Variants in CDH22 observed in about 807,000 individuals in gnomAD.
The protein encoded by CDH22 is cadherin-22.
In CDH22, 30 loss-of-function variants were observed where a neutral mutation model predicts 58.4. The ratio of observed to expected loss-of-function variants is 0.51; its 90% CI spans 0.38 to 0.70. CDH22 has a LOEUF of 0.70. CDH22 is among the 30% of genes least tolerant of loss of function. The pLI, the probability that CDH22 is intolerant of heterozygous loss-of-function variation, is 0.00. For missense variants in CDH22, 1,014 were observed against 1,233.9 expected, an observed-to-expected ratio of 0.82 and a Z score of 2.67; for synonymous variants, 513 against 558.2, an observed-to-expected ratio of 0.92 and a Z score of 1.14.
chr20:46,176,821 C>T (rs748950122), intron 11 of CDH22, among the ~76,000 whole-genome samples: 4 of 152,198 alleles, frequency 2.6e-5, no homozygotes, highest in East Asian at 1.9e-4. Flanking sequence ...GGGATGCCCG[C>T]GGGAGCAGAT....
intron 7 of CDH22, among the ~76,000 whole-genome samples, chr20:46,205,814 G>A (rs1357948209): frequency 1.3e-5 from 2 of 152,068 alleles, no homozygotes; most frequent in African/African-American, 4.8e-5. Context: ...GTCCCTTGTC[G>A]TGAGCTTGTC....
intron 8 of CDH22, among the ~76,000 whole-genome samples, chr20:46,190,311 C>A (rs1377958763): frequency 6.6e-6 from 1 of 152,180 alleles, no homozygotes; most frequent in East Asian, 1.9e-4. Context: ...GCAGGAGTTT[C>A]CCCACAGCCC....
At chr20:46,212,755 T>C (rs1291342892) in intron 6 of CDH22, among the ~76,000 whole-genome samples, 1 of 152,216 alleles carries the variant, frequency 6.6e-6, no homozygotes, top group Non-Finnish European at 1.5e-5. Context: ...GATTCCCATC[T>C]GGATTGAACC....
intron 8 of CDH22, among the ~76,000 whole-genome samples, chr20:46,192,579 G>A (rs988640331): frequency 6.6e-6 from 1 of 151,880 alleles, no homozygotes; most frequent in African/African-American, 2.4e-5. Context: ...GGGGGGTGGA[G>A]TGGGAGGGGG....
At chr20:46,214,815 T>C (rs1205894477) in intron 5 of CDH22, among the ~76,000 whole-genome samples, 1 of 152,258 alleles carries the variant, frequency 6.6e-6, no homozygotes, top group Non-Finnish European at 1.5e-5. Flanking sequence ...TTGTTAGAAT[T>C]ACTGCGTTTT....
chr20:46,253,485 C>T (rs893764997), intron 1 of CDH22, among the ~76,000 whole-genome samples: 1 of 152,082 alleles, frequency 6.6e-6, no homozygotes, highest in African/African-American at 2.4e-5. Flanking sequence ...CTCATGGGGT[C>T]AGGAGGACCC....
At position 46,210,090 on chromosome 20, in the gene CDH22, CTG is replaced by C; in HGVS notation, c.1286+215_1286+216del. 2.2e-6 allele frequency: 1 copy of C among 450,270 alleles called. No homozygotes were observed. The highest frequency in any genetic ancestry group is 3.9e-6 in the Non-Finnish European group (1 of 258,878). The allele number at this position is 450,270 out of a possible 1,614,324, so 27.9% of individuals were successfully genotyped here. A position where few individuals can be genotyped will look rare whatever the true frequency, so the allele number is the denominator to read the frequency against. Reference sequence around the variant, plus strand: ...TCCCTTATTGGCCTGGCTCGCCTGCCTGTCTCATTGACTGTTCTCACATCTGC... The same window carrying C: ...TCCCTTATTGGCCTGGCTCGCCTGCCTCTCATTGACTGTTCTCACATCTGC... On this transcript the variant is annotated intron_variant, in intron 7 of 11. Coordinates refer to ENST00000537909, the MANE Select transcript of CDH22 (RefSeq NM_021248.3). This position sits in a 1 kb window ranked among gnomAD's most constrained non-coding sequence, Gnocchi z 4.5.
chr20:46,192,647 G>A lies in CDH22; in HGVS notation c.1424-5700C>T, dbSNP rs187545669. Among the ~76,000 whole-genome samples the A allele has an allele frequency of 3.3e-5, 5 of 152,144 alleles. No homozygotes were observed. In the East Asian group the frequency reaches 7.7e-4, roughly 24 times the overall value. ...AAGTGCCTTCCCTCTCACTTGCAGT[G>A]GCAGGGATAGAGCAGAGCTTGGACC... On this transcript the variant is annotated intron_variant, in intron 8 of 11. Coordinates refer to ENST00000537909, the MANE Select transcript of CDH22 (RefSeq NM_021248.3).
chr20:46,266,295 C>T (rs538046416), intron 1 of CDH22, among the ~76,000 whole-genome samples: 6 of 152,274 alleles, frequency 3.9e-5, no homozygotes, highest in South Asian at 4.1e-4. Context: ...TATGGCTGTC[C>T]GTAGGATGCA....
intron 11 of CDH22, among the ~76,000 whole-genome samples, chr20:46,175,746 G>A (rs1033610261): frequency 6.6e-6 from 1 of 152,152 alleles, no homozygotes; most frequent in Non-Finnish European, 1.5e-5. Flanking sequence ...TTGGATCCTG[G>A]CACGGATCTT....
chr20:46,307,936 C>A lies in CDH22; in HGVS notation c.-400+319G>T, dbSNP rs78950916. 2.3e-3 allele frequency among the ~76,000 whole-genome samples: 347 copies of A among 151,862 alleles called. 5 individuals carry two copies. In the East Asian group the frequency reaches 0.03, roughly 13 times the overall value. On this transcript the variant is annotated intron_variant, in intron 1 of 11. Coordinates refer to ENST00000537909, the MANE Select transcript of CDH22 (RefSeq NM_021248.3). ...CCTGGCGCTGCCACCCCTCGGCCCG[C>A]GGGGGTCCCGGAGGCTCCCGGGCGC...
chr20:46,174,589 G>T lies in CDH22; in HGVS notation c.2404C>A (p.Leu802Ile). ...CGGAAGCGCGGACCCCAGCTGCTGA[G>T]ATAGGCGAAGTCCTGCTCGGAGCCC... ...SSGSEQDFAYLSSWGPRFRPL... is the reference protein window; with the variant it reads ...SSGSEQDFAYISSWGPRFRPL... The change falls in exon 12 of 12, where the codon CTC becomes ATC. Residue 802 changes from leucine (L) to isoleucine (I), a missense_variant. Physicochemically the swap from Leu to Ile is conservative, Grantham distance 5. This residue lies in a region of CDH22 where 208 missense variants were observed against 195.2 expected (regional missense o/e 1.07). Transcript: ENST00000537909. The surrounding 1 kb of genome is among the most constrained non-coding windows in gnomAD (Gnocchi z 4.4). The T allele has an allele frequency of 6.5e-7, 1 of 1,533,954 alleles. No individual in the cohort carries two copies.
chr20:46,229,883 G>A (rs1215212443), intron 3 of CDH22, among the ~76,000 whole-genome samples: 1 of 152,148 alleles, frequency 6.6e-6, no homozygotes, highest in Non-Finnish European at 1.5e-5. Flanking sequence ...GCACAATGCA[G>A]GGCTGAGTGA....
At chr20:46,240,403 C>T (rs1438177714) in intron 3 of CDH22, among the ~76,000 whole-genome samples, 1 of 152,072 alleles carries the variant, frequency 6.6e-6, no homozygotes, top group Non-Finnish European at 1.5e-5. Flanking sequence ...CCCAATCTAG[C>T]TGTTCCTAGT....
Position 46,251,088 on chromosome 20 carries a change from G to T in CDH22, c.207C>A (p.Phe69Leu). The change falls in exon 2 of 12, where the codon TTC (phenylalanine) becomes TTA (leucine). Residue 69 changes from phenylalanine to leucine, a missense_variant. Phe to Leu is a conservative substitution (Grantham distance 22). Coordinates refer to ENST00000537909, the MANE Select transcript of CDH22 (RefSeq NM_021248.3). This position sits in a 1 kb window ranked among gnomAD's most constrained non-coding sequence, Gnocchi z 6.7. ...TGCCCGTGTACTCCTCTACCACGAA[G>T]AACTGGTTCCACACCCAGCCGCGTT... ...RVKRGWVWNQ[F>L]FVVEEYTGTE... 6.2e-7 allele frequency: 1 copy of T among 1,611,814 alleles called. No individual in the cohort carries two copies. Among genetic ancestry groups the T allele is most frequent in the Non-Finnish European group, 8.5e-7 (1 of 1,178,938 alleles).
chr20:46,266,439 C>A (rs1418478275), intron 1 of CDH22, among the ~76,000 whole-genome samples: 1 of 152,182 alleles, frequency 6.6e-6, no homozygotes, highest in African/African-American at 2.4e-5. Context: ...CAGAGAAGGA[C>A]CTGCAGGCTG....
At chr20:46,272,244 ATACT>A (rs994868953) in intron 1 of CDH22, among the ~76,000 whole-genome samples, 1 of 152,196 alleles carries the variant, frequency 6.6e-6, no homozygotes, top group Admixed American at 6.5e-5. Context: ...TGGTGGTGTG[ATACT>A]TACTACGATG....
chr20:46,229,678 G>A (rs2145714404), intron 3 of CDH22, among the ~76,000 whole-genome samples: 1 of 152,308 alleles, frequency 6.6e-6, no homozygotes, highest in East Asian at 1.9e-4. Context: ...GGTTGTTGTT[G>A]TCAACTCAAG....
rs941324621 is a variant in CDH22, at chr20:46,237,406, C to G, written c.550+3557G>C. 7.2e-5 allele frequency among the ~76,000 whole-genome samples: 11 copies of G among 152,284 alleles called. 1 individual carries two copies. The highest frequency in any genetic ancestry group is 2.6e-4 in the African/African-American group (11 of 41,558). ...TCATGTCCCAAGCTGCGTCCCTGCT[C>G]CCTCTGATCTCCGAAGCTGCCCAGA... On this transcript the variant is annotated intron_variant, in intron 3 of 11. Coordinates refer to ENST00000537909, the MANE Select transcript of CDH22 (RefSeq NM_021248.3).
Sources: gnomAD v4.1 joint callset for allele counts (sites outside exome capture counted in the v4.1 genomes callset) on GRCh38, gnomAD v4.1.1 for gene constraint, gnomAD v4.1.1 regional missense constraint, Gnocchi (gnomAD v3.1) non-coding constraint, MANE v1.5 for transcripts, NCBI Gene and HGNC (gene_info 2026-07-23, HGNC 2026-07-21) for gene names.